KIAA1217: variants seen among roughly 807,000 people sequenced by gnomAD.
The protein encoded by KIAA1217 is sickle tail protein homolog.
A neutral mutation model predicts 163.9 loss-of-function variants in KIAA1217; 88 were observed. That is an observed-to-expected ratio of 0.54 (90% CI 0.45 to 0.64). The LOEUF (loss-of-function observed/expected upper bound fraction) is 0.64, where lower values mean the gene tolerates loss of function less well. KIAA1217 is among the 30% of genes least tolerant of loss of function. KIAA1217 has a pLI of 0.00. For synonymous variants in KIAA1217, 903 were observed against 923.1 expected (o/e 0.98, Z 0.39); for missense variants, 2,372 against 2,475.0 (o/e 0.96, Z 0.88).
chr10:23,878,883 C>T (rs2131183216), intron 1 of KIAA1217, among the ~76,000 whole-genome samples: 1 of 151,926 alleles, frequency 6.6e-6, no homozygotes, highest in Non-Finnish European at 1.5e-5. Context: ...ATCGGGTTGA[C>T]TCCGAAGTTT....
chr10:23,864,594 G>C (rs1042733658), intron 1 of KIAA1217, among the ~76,000 whole-genome samples: 2 of 150,626 alleles, frequency 1.3e-5, no homozygotes, highest in African/African-American at 4.9e-5. Flanking sequence ...AATTCTTCCT[G>C]AATTTTTCCC....
intron 4 of KIAA1217, among the ~76,000 whole-genome samples, chr10:24,434,008 CCTCTCT>C (rs1158383682): frequency 2.9e-4 from 37 of 125,994 alleles, no homozygotes; most frequent in Non-Finnish European, 4.1e-4. Flanking sequence ...TCTCTCTCTC[CCTCTCT>C]CTCTCTCTCT....
intron 1 of KIAA1217, among the ~76,000 whole-genome samples, chr10:23,791,709 TC>T (rs1835958747): frequency 6.6e-6 from 1 of 152,208 alleles, no homozygotes; most frequent in East Asian, 1.9e-4. Flanking sequence ...GTCATTTGTC[TC>T]CTAGGAAGTA....
rs147538283 is a variant in KIAA1217, at chr10:24,473,843, G to A, written c.1462G>A (p.Ala488Thr). 12 of 1,613,944 alleles carry A rather than the reference G, an allele frequency of 7.4e-6. No individual in the cohort carries two copies. The highest frequency in any genetic ancestry group is 5.3e-5 in the African/African-American group (4 of 74,882). The change falls in exon 6 of 21, where the codon GCT (alanine) becomes ACT (threonine). Residue 488 changes from alanine (A) to threonine (T), a missense_variant. Around this residue, in one of 3 missense-constraint regions of KIAA1217, gnomAD observed 1,431 missense variants for 1,470.3 expected, o/e 0.97. Transcript: ENST00000376454. ...VSDLRMIDMH[A>T]HYNAHGPPHT... The stretch of plus-strand genomic sequence containing the variant: ...TGACCTGAGGATGATAGACATGCAC[G>A]CTCACTATAATGCCCACGGCCCCCC...
intron 2 of KIAA1217, among the ~76,000 whole-genome samples, chr10:24,317,285 A>G (rs898283454): frequency 7.9e-5 from 12 of 151,892 alleles, no homozygotes; most frequent in Admixed American, 7.9e-4. Flanking sequence ...GTTACTTTTT[A>G]TTTATTTATT....
rs113887728 is a variant in KIAA1217 at position 23,849,880 on chromosome 10, T to A, written c.-321+154646T>A. On this transcript the variant is annotated intron_variant, in intron 1 of 18. Transcript: ENST00000376462. ...TGACCTTCCTCTGTCCTTCTAAGAG[T>A]TTTCTGCCAATTTCCAGGTACTTAT... 4.8e-3 allele frequency among the ~76,000 whole-genome samples: 733 copies of A among 152,006 alleles called. 10 individuals are homozygous for A. Among genetic ancestry groups the A allele is most frequent in the African/African-American group, 0.016 (660 of 41,478 alleles).
chr10:23,737,635 A>G (rs1838886137), intron 1 of KIAA1217, among the ~76,000 whole-genome samples: 1 of 152,172 alleles, frequency 6.6e-6, no homozygotes, highest in African/African-American at 2.4e-5. Context: ...TCATTCTAAA[A>G]CAGAATAAAA....
intron 2 of KIAA1217, among the ~76,000 whole-genome samples, chr10:24,086,697 A>G (rs2061709692): frequency 6.6e-6 from 1 of 152,198 alleles, no homozygotes. Context: ...AATAATGGAG[A>G]AATGCCATCT....
intron 1 of KIAA1217, among the ~76,000 whole-genome samples, chr10:23,856,314 T>C (rs924905970): frequency 2.6e-5 from 4 of 152,346 alleles, no homozygotes; most frequent in South Asian, 4.1e-4. Context: ...CAGCAGTGGC[T>C]GCAGAACAGC....
chr10:24,302,714 C>T (rs920568052), intron 2 of KIAA1217, among the ~76,000 whole-genome samples: 10 of 152,046 alleles, frequency 6.6e-5, no homozygotes, highest in Non-Finnish European at 1.3e-4. Flanking sequence ...TAAGGGAAAT[C>T]GACACAGGAG....
chr10:24,041,276 G>A (rs1280187882), intron 2 of KIAA1217, among the ~76,000 whole-genome samples: 1 of 152,196 alleles, frequency 6.6e-6, no homozygotes, highest in Non-Finnish European at 1.5e-5. Flanking sequence ...AACTAAGAGG[G>A]AAAATGGTTA....
At chr10:23,788,053 C>T (rs1263880928) in intron 1 of KIAA1217, among the ~76,000 whole-genome samples, 1 of 152,034 alleles carries the variant, frequency 6.6e-6, no homozygotes, top group African/African-American at 2.4e-5. Context: ...AAAAAATTAG[C>T]CAGGCACAGT....
At chr10:24,307,030 T>A (rs2042080816) in intron 2 of KIAA1217, among the ~76,000 whole-genome samples, 1 of 152,216 alleles carries the variant, frequency 6.6e-6, no homozygotes, top group Non-Finnish European at 1.5e-5. Flanking sequence ...CTGTAGCCGT[T>A]TAATTACAAT....
intron 3 of KIAA1217, among the ~76,000 whole-genome samples, chr10:24,412,035 C>T (rs937751545): frequency 6.6e-6 from 1 of 152,048 alleles, no homozygotes; most frequent in Non-Finnish European, 1.5e-5. Flanking sequence ...TGCAGAGGAA[C>T]AGCCCTACCT....
chr10:23,819,169 T>C (rs1056599937), intron 1 of KIAA1217, among the ~76,000 whole-genome samples: 3 of 152,180 alleles, frequency 2.0e-5, no homozygotes, highest in African/African-American at 7.2e-5. Flanking sequence ...CCTTCTTTCT[T>C]GGGAGCAGAA....
chr10:24,260,586 C>CA (rs11352927), intron 2 of KIAA1217, among the ~76,000 whole-genome samples: 3,664 of 61,084 alleles, frequency 0.06, 300 homozygotes, highest in African/African-American at 0.14. Context: ...CTCATCTCTA[C>CA]AAAAAAAAAA....
At chr10:24,184,355 A>T (rs933646189) in intron 2 of KIAA1217, among the ~76,000 whole-genome samples, 15 of 152,148 alleles carry the variant, frequency 9.9e-5, no homozygotes, top group African/African-American at 3.4e-4. Context: ...TGGCAGTTGT[A>T]CCTTAATCTG....
At chr10:23,878,861 G>C in intron 1 of KIAA1217, among the ~76,000 whole-genome samples, 1 of 152,016 alleles carries the variant, frequency 6.6e-6, no homozygotes. Flanking sequence ...TTTGGGGTAT[G>C]AGAGAAAAAA....
intron 1 of KIAA1217, among the ~76,000 whole-genome samples, chr10:24,003,363 G>T (rs550772553): frequency 1.3e-5 from 2 of 152,268 alleles, no homozygotes; most frequent in East Asian, 3.9e-4. Context: ...TCTTGCAGGA[G>T]TAAGGTGGTA....
Sources: allele counts gnomAD v4.1 joint callset (sites outside exome capture counted in the v4.1 genomes callset), GRCh38; gene constraint gnomAD v4.1.1; regional missense constraint gnomAD v4.1.1; transcripts MANE v1.5; gene names NCBI Gene and HGNC (gene_info 2026-07-23, HGNC 2026-07-21).